Variants in AKAP13 observed in about 807,000 individuals in gnomAD.
AKAP13 encodes A-kinase anchor protein 13.
A neutral mutation model predicts 264.5 loss-of-function variants in AKAP13; 80 were observed. The observed-to-expected ratio is 0.30, with a 90% CI of 0.25 to 0.36. AKAP13 has a LOEUF of 0.36. Ranked by LOEUF, AKAP13 falls within the 10% of genes least tolerant of loss-of-function variation. The probability of loss-of-function intolerance (pLI) is 1.00; values close to 1 mark genes in which losing one functional copy is unlikely to be tolerated. For synonymous variants in AKAP13, 1,380 were observed against 1,250.2 expected, an observed-to-expected ratio of 1.10 and a Z score of -2.19; for missense variants, 3,712 against 3,435.2, an observed-to-expected ratio of 1.08 and a Z score of -2.01.
At chr15:85,497,739 T>C (rs182847803) in intron 2 of AKAP13, among the ~76,000 whole-genome samples, 1 of 152,306 alleles carries the variant, frequency 6.6e-6, no homozygotes, top group East Asian at 1.9e-4. Flanking sequence ...TGATTGCAGA[T>C]AGAAAATATT....
intron 7 of AKAP13, chr15:85,582,972 A>G (rs1270170432): frequency 1.3e-5 from 13 of 985,300 alleles, no homozygotes; most frequent in South Asian, 9.4e-5. Context: ...AGAAACCGCT[A>G]TTGCTCCGTG....
chr15:85,402,137 C>T (rs1041230365), intron 1 of AKAP13, among the ~76,000 whole-genome samples: 1 of 152,098 alleles, frequency 6.6e-6, no homozygotes, highest in East Asian at 1.9e-4. Flanking sequence ...GTTGTGTTTT[C>T]CCCAAAAAGT....
chr15:85,473,891 T>C (rs1194500902), intron 1 of AKAP13, among the ~76,000 whole-genome samples: 1 of 152,174 alleles, frequency 6.6e-6, no homozygotes, highest in African/African-American at 2.4e-5. Context: ...CATCTTTCAC[T>C]GACACTAATC....
At chr15:85,466,226 T>G (rs1186508449) in intron 1 of AKAP13, among the ~76,000 whole-genome samples, 3 of 151,748 alleles carry the variant, frequency 2.0e-5, no homozygotes, top group African/African-American at 7.3e-5. Context: ...TAAATTTGTT[T>G]GAGTTCATTG....
chr15:85,575,530 A>C (rs2078975754), intron 6 of AKAP13, among the ~76,000 whole-genome samples: 1 of 152,104 alleles, frequency 6.6e-6, no homozygotes, highest in African/African-American at 2.4e-5. Flanking sequence ...TGTCTCTACT[A>C]AAAATACAAA....
intron 12 of AKAP13, chr15:85,662,553 A>G (rs1487921347): frequency 5.4e-6 from 7 of 1,298,358 alleles, no homozygotes; most frequent in Non-Finnish European, 6.7e-6. Flanking sequence ...TGGGATGCAT[A>G]TGGGCAGCCT....
intron 1 of AKAP13, among the ~76,000 whole-genome samples, chr15:85,472,148 T>C (rs1271130249): frequency 6.6e-6 from 1 of 151,766 alleles, no homozygotes; most frequent in African/African-American, 2.4e-5. Flanking sequence ...AACAATGCTA[T>C]GGTGAAGAAT....
intron 8 of AKAP13, among the ~76,000 whole-genome samples, chr15:85,587,803 C>A (rs2079421707): frequency 6.6e-6 from 1 of 152,100 alleles, no homozygotes; most frequent in South Asian, 2.1e-4. Context: ...CTCGTCACCA[C>A]GCCCGGCTAC....
rs756747909 is a variant in AKAP13, at chr15:85,715,836, A to G, written c.5648A>G (p.Glu1883Gly). 6 of 1,613,320 alleles carry G rather than the reference A, an allele frequency of 3.7e-6. No individual in the cohort carries two copies. The South Asian group carries it at 6.6e-5, about 18-fold the overall frequency. The stretch of plus-strand genomic sequence containing the variant: ...CGGTCCGCAGTCCTCCTGGTGGATG[A>G]AACCGCTACCACCCCAATATTTGCC... ...RPRSAVLLVD[E>G]TATTPIFANR... Residue 1883 changes from glutamate (E) to glycine (G), a missense_variant, in exon 20 of 37, where the codon GAA becomes GGA. Physicochemically the swap from Glu to Gly is moderately conservative, Grantham distance 98 (BLOSUM62 -2). Around this residue, in one of 3 missense-constraint regions of AKAP13, gnomAD observed 2,759 missense variants for 2,411.7 expected, o/e 1.14. Coordinates refer to ENST00000394518, the MANE Select transcript of AKAP13 (RefSeq NM_007200.5).
At position 85,730,629 on chromosome 15, in the gene AKAP13, A is replaced by T; in HGVS notation, c.7204A>T (p.Ser2402Cys). 1 of 1,614,210 alleles carries T rather than the reference A, an allele frequency of 6.2e-7. No homozygotes were observed. The highest frequency in any genetic ancestry group is 8.5e-7 in the Non-Finnish European group (1 of 1,180,030). Reference sequence around the variant, plus strand: ...CCCAGAGGATTGCTCCCCAACACATAGCCCTAGAGTTCTCTTCCGCTCCAA... The same window carrying T: ...CCCAGAGGATTGCTCCCCAACACATTGCCCTAGAGTTCTCTTCCGCTCCAA... ...PLPEDCSPTH[S>C]PRVLFRSNTE... Residue 2402 changes from serine to cysteine, a missense_variant, in exon 30 of 37, where the codon AGC becomes TGC. By Grantham distance (112) the Ser-to-Cys change is moderately radical. Coordinates refer to ENST00000394518, the MANE Select transcript of AKAP13 (RefSeq NM_007200.5).
Position 85,749,082 on chromosome 15 carries a change from A to T in AKAP13, c.*4405A>T, listed in dbSNP as rs990171209. ...GGATACACCGGATACCTCTGCTCTC[A>T]TTGCTTGTTTGCAAATGCTCTATGG... On this transcript the variant is annotated 3_prime_UTR_variant, in exon 37 of 37. Coordinates refer to ENST00000394518, the MANE Select transcript of AKAP13 (RefSeq NM_007200.5). 6.6e-6 allele frequency: 1 copy of T among 152,256 alleles called. No homozygotes were observed. The highest frequency in any genetic ancestry group is 1.5e-5 in the Non-Finnish European group (1 of 68,048). The allele number at this position is 152,256 out of a possible 1,614,324, so 9.4% of individuals were successfully genotyped here. A position where few individuals can be genotyped will look rare whatever the true frequency, so the allele number is the denominator to read the frequency against.
intron 2 of AKAP13, among the ~76,000 whole-genome samples, chr15:85,493,969 C>T (rs927391416): frequency 1.3e-5 from 2 of 152,218 alleles, no homozygotes; most frequent in African/African-American, 4.8e-5. Context: ...TCTCTGTTGA[C>T]ATTAGCCCTT....
intron 3 of AKAP13, among the ~76,000 whole-genome samples, chr15:85,524,032 T>G (rs1316149974): frequency 1.3e-5 from 2 of 152,256 alleles, no homozygotes; most frequent in Non-Finnish European, 2.9e-5. Context: ...TCCCAGTTCC[T>G]GGATAAATGT....
chr15:85,725,664 C>T (rs1024463303), intron 26 of AKAP13, among the ~76,000 whole-genome samples: 1 of 152,120 alleles, frequency 6.6e-6, no homozygotes, highest in African/African-American at 2.4e-5. Context: ...CTTCACTTTC[C>T]ACAGTGAAGA....
intron 1 of AKAP13, among the ~76,000 whole-genome samples, chr15:85,418,805 A>G (rs2072367998): frequency 6.6e-6 from 1 of 152,234 alleles, no homozygotes; most frequent in Non-Finnish European, 1.5e-5. Context: ...GTCTAGAGAT[A>G]AGGAATCAAT....
intron 1 of AKAP13, among the ~76,000 whole-genome samples, chr15:85,423,510 T>G (rs1197428032): frequency 1.3e-5 from 2 of 152,222 alleles, no homozygotes; most frequent in African/African-American, 4.8e-5. Flanking sequence ...TTGCAGGAAT[T>G]CAGTCATATC....
Position 85,425,333 on chromosome 15 carries a change from T to A in AKAP13, c.-12+44535T>A, listed in dbSNP as rs556044607. Reference sequence around the variant, plus strand: ...TGGTTTTAAATTACAGTTTTCTAGGTGTGTTTATATAAGATAAAGCCTTTT... The same window carrying A: ...TGGTTTTAAATTACAGTTTTCTAGGAGTGTTTATATAAGATAAAGCCTTTT... On this transcript the variant is annotated intron_variant, in intron 1 of 36. Coordinates refer to ENST00000394518, the MANE Select transcript of AKAP13 (RefSeq NM_007200.5). 8.5e-5 allele frequency among the ~76,000 whole-genome samples: 13 copies of A among 152,332 alleles called. 1 individual carries two copies. The South Asian group carries it at 2.7e-3, about 32-fold the overall frequency.
intron 17 of AKAP13, among the ~76,000 whole-genome samples, chr15:85,703,853 A>AAATATAT (rs1555461458): frequency 4.2e-5 from 6 of 142,500 alleles, no homozygotes; most frequent in Non-Finnish European, 6.1e-5. Context: ...AAAAAAAAAA[A>AAATATAT]ATATATATAT....
chr15:85,399,943 A>T (rs1198850714), intron 1 of AKAP13, among the ~76,000 whole-genome samples: 3 of 152,150 alleles, frequency 2.0e-5, no homozygotes, highest in African/African-American at 7.2e-5. Flanking sequence ...AATTAATATA[A>T]CTTATTTATT....
Sources: allele counts gnomAD v4.1 joint callset (sites outside exome capture counted in the v4.1 genomes callset), GRCh38; gene constraint gnomAD v4.1.1; regional missense constraint gnomAD v4.1.1; transcripts MANE v1.5; gene names NCBI Gene and HGNC (gene_info 2026-07-23, HGNC 2026-07-21).